The following HSD17B12 variants were observed in gnomAD, a reference collection of about 807,000 sequenced individuals.
The protein encoded by HSD17B12 is very-long-chain 3-oxoacyl-CoA reductase.
HSD17B12 carries 32 observed loss-of-function variants against 39.3 expected under a neutral mutation model. The ratio of observed to expected loss-of-function variants is 0.81; its 90% CI spans 0.61 to 1.09. The LOEUF (loss-of-function observed/expected upper bound fraction) is 1.09, where lower values mean the gene tolerates loss of function less well. Ranked by LOEUF, HSD17B12 falls within the 50% of genes least tolerant of loss-of-function variation. The pLI is 0.00. For missense variants in HSD17B12, 342 were observed against 382.9 expected, an observed-to-expected ratio of 0.89 and a Z score of 0.89; for synonymous variants, 150 against 146.7, an observed-to-expected ratio of 1.02 and a Z score of -0.16.
intron 1 of HSD17B12, among the ~76,000 whole-genome samples, chr11:43,714,209 C>G (rs1227348321): frequency 1.3e-5 from 2 of 152,148 alleles, no homozygotes; most frequent in Non-Finnish European, 2.9e-5. Flanking sequence ...ATGCCTATGT[C>G]CTGAATGGTA....
At chr11:43,725,638 A>G (rs1481233860) in intron 1 of HSD17B12, among the ~76,000 whole-genome samples, 2 of 152,232 alleles carry the variant, frequency 1.3e-5, no homozygotes, top group African/African-American at 2.4e-5. Flanking sequence ...TCATCCATTA[A>G]CAAAATGCAG....
intron 1 of HSD17B12, among the ~76,000 whole-genome samples, chr11:43,715,446 G>A (rs569959277): frequency 1.4e-3 from 206 of 152,244 alleles, no homozygotes; most frequent in Non-Finnish European, 2.3e-3. Flanking sequence ...TGGGTATGTC[G>A]AACCAGCCTT....
chr11:43,645,018 C>A, the HSD17B12 span: 1 of 152,192 alleles, frequency 6.6e-6, no homozygotes, highest in Non-Finnish European at 1.5e-5. Flanking sequence ...CCCCAGGCTT[C>A]CCTGGTGCTG....
At chr11:43,779,749 G>A (rs1950746148) in intron 3 of HSD17B12, among the ~76,000 whole-genome samples, 1 of 152,150 alleles carries the variant, frequency 6.6e-6, no homozygotes, top group South Asian at 2.1e-4. Flanking sequence ...GCTTTAATGG[G>A]CCAAAATGAG....
the HSD17B12 span, chr11:43,570,281 G>A: frequency 6.6e-6 from 1 of 152,250 alleles, no homozygotes; most frequent in Non-Finnish European, 1.5e-5. Flanking sequence ...CTAAGATTTA[G>A]AATATAGGGG....
chr11:43,824,951 C>T (rs1220304174), intron 6 of HSD17B12, among the ~76,000 whole-genome samples: 1 of 151,758 alleles, frequency 6.6e-6, no homozygotes, highest in South Asian at 2.1e-4. Context: ...GCCAACATGG[C>T]GAGACCCCAT....
intron 3 of HSD17B12, among the ~76,000 whole-genome samples, chr11:43,796,997 A>G (rs1950921940): frequency 6.6e-6 from 1 of 152,196 alleles, no homozygotes; most frequent in South Asian, 2.1e-4. Flanking sequence ...GAGCACACCT[A>G]TAACTCATTT....
chr11:43,557,164 C>A, the HSD17B12 span, among the ~76,000 whole-genome samples: 2 of 152,106 alleles, frequency 1.3e-5, no homozygotes, highest in Non-Finnish European at 2.9e-5. Context: ...GGAGGCATGC[C>A]AGCTGGAAGA....
chr11:43,813,457 T>G (rs967254834), intron 4 of HSD17B12, among the ~76,000 whole-genome samples: 24 of 152,198 alleles, frequency 1.6e-4, no homozygotes, highest in African/African-American at 5.8e-4. Flanking sequence ...TCATGAAATT[T>G]TTTTTAATTC....
the HSD17B12 span, among the ~76,000 whole-genome samples, chr11:43,647,651 C>T: frequency 6.6e-6 from 1 of 151,936 alleles, no homozygotes; most frequent in Admixed American, 6.6e-5. Flanking sequence ...ACAAAATCAC[C>T]CATTCCGAAT....
intron 4 of HSD17B12, chr11:43,806,534 A>G (rs1346265571): frequency 1.3e-5 from 2 of 152,152 alleles, no homozygotes; most frequent in Non-Finnish European, 2.9e-5. Flanking sequence ...AAATCTTGTC[A>G]TTTGCAGCAA....
intron 3 of HSD17B12, among the ~76,000 whole-genome samples, chr11:43,787,550 A>C (rs1182092274): frequency 6.6e-6 from 1 of 151,940 alleles, no homozygotes; most frequent in Non-Finnish European, 1.5e-5. Flanking sequence ...CAGCCTGGCC[A>C]ACATTGTGAA....
chr11:43,746,466 T>C (rs991720245), intron 1 of HSD17B12, among the ~76,000 whole-genome samples: 1 of 152,186 alleles, frequency 6.6e-6, no homozygotes, highest in African/African-American at 2.4e-5. Flanking sequence ...ATCAGTGTCT[T>C]TTACCTCCAC....
the HSD17B12 span, chr11:43,579,505 C>A: frequency 1.3e-5 from 2 of 152,280 alleles, no homozygotes; most frequent in African/African-American, 4.8e-5. Context: ...CTCCCGTGGC[C>A]CCCAGACCGA....
upstream of HSD17B12, chr11:43,680,717 G>C (rs1334197536): frequency 8.4e-6 from 8 of 953,320 alleles, no homozygotes; most frequent in African/African-American, 1.6e-5. Flanking sequence ...CCAAAGTGGT[G>C]TCGGAGCAGC....
intron 4 of HSD17B12, among the ~76,000 whole-genome samples, chr11:43,802,213 C>T (rs1950978400): frequency 6.6e-6 from 1 of 152,014 alleles, no homozygotes; most frequent in Non-Finnish European, 1.5e-5. Flanking sequence ...GTCTCGATCT[C>T]CTGACCTCAT....
At chr11:43,632,831 G>C in the HSD17B12 span, among the ~76,000 whole-genome samples, 1 of 152,126 alleles carries the variant, frequency 6.6e-6, no homozygotes, top group Non-Finnish European at 1.5e-5. Context: ...GACGAGATTT[G>C]TAAGGAAGTG....
At chr11:43,806,793 T>C (rs1389293560) in intron 4 of HSD17B12, among the ~76,000 whole-genome samples, 4 of 152,184 alleles carry the variant, frequency 2.6e-5, no homozygotes, top group African/African-American at 9.7e-5. Context: ...CTATAATCAA[T>C]TGTATATTTC....
chr11:43,598,940 C>T, the HSD17B12 span, among the ~76,000 whole-genome samples: 1 of 152,156 alleles, frequency 6.6e-6, no homozygotes, highest in Non-Finnish European at 1.5e-5. Flanking sequence ...AGGATATGGA[C>T]CCTAAACCAG....
Sources: gnomAD v4.1 joint callset for allele counts (sites outside exome capture counted in the v4.1 genomes callset) on GRCh38, gnomAD v4.1.1 for gene constraint, MANE v1.5 for transcripts, NCBI Gene and HGNC (gene_info 2026-07-23, HGNC 2026-07-21) for gene names.